Variants in NRG2 observed in about 807,000 individuals in gnomAD.
NRG2 encodes the protein neuregulin 2, also known as pro-neuregulin-2, membrane-bound isoform.
NRG2 carries 27 observed loss-of-function variants against 73.9 expected under a neutral mutation model. The observed-to-expected ratio is 0.37, with a 90% CI of 0.27 to 0.50. The LOEUF is 0.50. Among genes scored for constraint, NRG2 ranks in the 20% least tolerant of loss-of-function variants. The pLI, the probability that NRG2 is intolerant of heterozygous loss-of-function variation, is 0.96. For missense variants in NRG2, 1,126 were observed against 1,210.1 expected (o/e 0.93, Z 1.03); for synonymous variants, 532 against 541.0 (o/e 0.98, Z 0.23).
chr5:139,981,656 T>A (rs1561726912), intron 1 of NRG2, among the ~76,000 whole-genome samples: 1 of 152,168 alleles, frequency 6.6e-6, no homozygotes. Context: ...CTCCTAGAAC[T>A]CCATCTAGGG....
chr5:140,020,292 C>T (rs1760117731), intron 1 of NRG2, among the ~76,000 whole-genome samples: 1 of 152,226 alleles, frequency 6.6e-6, no homozygotes, highest in Non-Finnish European at 1.5e-5. Context: ...GTACACACTT[C>T]TTTGGTTAAT....
At chr5:139,858,348 A>T (rs1231633923) in intron 5 of NRG2, among the ~76,000 whole-genome samples, 1 of 152,174 alleles carries the variant, frequency 6.6e-6, no homozygotes, top group African/African-American at 2.4e-5. Context: ...GCCACTTTTC[A>T]TCAGGTCTTA....
chr5:139,947,023 TAAC>T (rs1753844622), intron 1 of NRG2, among the ~76,000 whole-genome samples: 1 of 151,786 alleles, frequency 6.6e-6, no homozygotes. Context: ...AAACAGAAGA[TAAC>T]AAGCGTTGGT....
At chr5:139,913,780 G>A (rs1310434459) in intron 1 of NRG2, among the ~76,000 whole-genome samples, 1 of 152,238 alleles carries the variant, frequency 6.6e-6, no homozygotes, top group East Asian at 1.9e-4. Flanking sequence ...CACAGCTTAA[G>A]ACAGCAGCAG....
intron 1 of NRG2, among the ~76,000 whole-genome samples, chr5:140,023,666 T>C (rs890907566): frequency 2.0e-5 from 3 of 152,118 alleles, no homozygotes; most frequent in African/African-American, 7.2e-5. Flanking sequence ...TAACCAATAT[T>C]TGATTTTGAA....
chr5:139,962,459 G>T (rs1249066525), intron 1 of NRG2, among the ~76,000 whole-genome samples: 1 of 152,202 alleles, frequency 6.6e-6, no homozygotes, highest in East Asian at 1.9e-4. Context: ...AGGCAGAAGT[G>T]GAAGAGGGAA....
intron 1 of NRG2, among the ~76,000 whole-genome samples, chr5:139,896,162 G>C (rs894938665): frequency 6.6e-5 from 10 of 152,184 alleles, no homozygotes; most frequent in Non-Finnish European, 1.2e-4. Context: ...GCCATAGGAT[G>C]ATCTCAGGGC....
chr5:139,958,105 A>G (rs1423619307), intron 1 of NRG2, among the ~76,000 whole-genome samples: 1 of 152,074 alleles, frequency 6.6e-6, no homozygotes, highest in African/African-American at 2.4e-5. Context: ...AGCCCATTCA[A>G]TTCATCTTAC....
chr5:140,041,216 A>T (rs1481608379), intron 1 of NRG2, among the ~76,000 whole-genome samples: 1 of 152,250 alleles, frequency 6.6e-6, no homozygotes, highest in South Asian at 2.1e-4. Context: ...AGTACAGGAC[A>T]TCTATCATAA....
chr5:139,871,056 C>G (rs893882218), intron 4 of NRG2: 1 of 152,692 alleles, frequency 6.5e-6, no homozygotes, highest in African/African-American at 2.4e-5. Context: ...AGAGTAGTGT[C>G]CTTGCTGGTA....
chr5:139,991,648 C>T (rs1392460455), intron 1 of NRG2, among the ~76,000 whole-genome samples: 1 of 152,166 alleles, frequency 6.6e-6, no homozygotes, highest in Non-Finnish European at 1.5e-5. Flanking sequence ...CTGCCCACCT[C>T]AGCCTCCCAA....
chr5:139,938,916 AG>A (rs1753109132), intron 1 of NRG2, among the ~76,000 whole-genome samples: 12 of 126,574 alleles, frequency 9.5e-5, no homozygotes, highest in African/African-American at 3.6e-4. Flanking sequence ...AAAGAAAGAA[AG>A]AAAGAAAGAA....
At position 139,847,864 on chromosome 5, in the gene NRG2, G is replaced by A. The variant is rs1761088877; in HGVS notation, c.*53C>T. The A allele has an allele frequency of 1.7e-6, 2 of 1,161,214 alleles. No individual in the cohort carries two copies. Among genetic ancestry groups the A allele is most frequent in the African/African-American group, 1.6e-5 (1 of 61,934 alleles). 71.9% of individuals were successfully genotyped at this position (1,161,214 alleles called of 1,614,324 possible). On this transcript the variant is annotated 3_prime_UTR_variant, in exon 10 of 10. Coordinates refer to ENST00000361474, the MANE Select transcript of NRG2 (RefSeq NM_004883.3). The stretch of plus-strand genomic sequence containing the variant: ...CCTTTCTCTCCAGTAGGCGGTCTCT[G>A]GTCTCCTTAAAGATAGTGGGGCGGG...
At chr5:139,997,440 G>A (rs1182609279) in intron 1 of NRG2, among the ~76,000 whole-genome samples, 1 of 152,254 alleles carries the variant, frequency 6.6e-6, no homozygotes, top group Non-Finnish European at 1.5e-5. Flanking sequence ...TGGACTGCCA[G>A]TGCTGGCTCT....
intron 3 of NRG2, 41 bp from the exon 4 acceptor site, chr5:139,871,882 T>C (rs774101610): frequency 1.9e-6 from 3 of 1,605,784 alleles, no homozygotes; most frequent in Non-Finnish European, 2.6e-6. Context: ...GCACTGAGAC[T>C]ATCCCTAGGC....
intron 1 of NRG2, among the ~76,000 whole-genome samples, chr5:139,957,629 C>A (rs763870895): frequency 3.2e-4 from 49 of 152,136 alleles, no homozygotes; most frequent in Non-Finnish European, 4.1e-4. Flanking sequence ...GCCTGATATG[C>A]AGAGTAGGGG....
intron 9 of NRG2, among the ~76,000 whole-genome samples, chr5:139,849,557 C>T (rs146761575): frequency 2.6e-5 from 4 of 152,274 alleles, no homozygotes; most frequent in African/African-American, 9.6e-5. Flanking sequence ...GCTCCACATC[C>T]CCCTTGTAAG....
intron 1 of NRG2, among the ~76,000 whole-genome samples, chr5:139,945,481 G>A (rs905197127): frequency 1.3e-5 from 2 of 151,968 alleles, no homozygotes; most frequent in Non-Finnish European, 1.5e-5. Context: ...GTTTATTTCT[G>A]GTTCTCTGTT....
At chr5:140,024,625 C>T (rs1561760910) in intron 1 of NRG2, among the ~76,000 whole-genome samples, 1 of 152,168 alleles carries the variant, frequency 6.6e-6, no homozygotes, top group Non-Finnish European at 1.5e-5. Flanking sequence ...TTTTGATCAA[C>T]TCTTCATCAT....
Sources: allele counts gnomAD v4.1 joint callset (sites outside exome capture counted in the v4.1 genomes callset), GRCh38; gene constraint gnomAD v4.1.1; transcripts MANE v1.5; gene names NCBI Gene and HGNC (gene_info 2026-07-23, HGNC 2026-07-21).